TMEM131: variants seen among roughly 807,000 people sequenced by gnomAD.
TMEM131 encodes the protein 2610524E03Rik.
TMEM131 carries 66 observed loss-of-function variants against 211.6 expected under a neutral mutation model. The observed-to-expected ratio is 0.31, with a 90% CI of 0.26 to 0.38. The LOEUF (loss-of-function observed/expected upper bound fraction) is 0.38. Ranked by LOEUF, TMEM131 falls within the 10% of genes least tolerant of loss-of-function variation. The pLI, the probability that TMEM131 is intolerant of heterozygous loss-of-function variation, is 1.00. For synonymous variants in TMEM131, 844 were observed against 841.3 expected, an observed-to-expected ratio of 1.00 and a Z score of -0.06; for missense variants, 2,036 against 2,299.3, an observed-to-expected ratio of 0.89 and a Z score of 2.34.
chr2:97,790,481 G>A (rs1680452255), intron 31 of TMEM131, among the ~76,000 whole-genome samples: 1 of 152,150 alleles, frequency 6.6e-6, no homozygotes, highest in Admixed American at 6.5e-5. Flanking sequence ...GTATCTCTTA[G>A]TAGGTTGACT....
intron 33 of TMEM131, among the ~76,000 whole-genome samples, chr2:97,769,400 C>T (rs1387073406): frequency 6.6e-6 from 1 of 152,132 alleles, no homozygotes; most frequent in East Asian, 1.9e-4. Context: ...ACACCTGACT[C>T]AAGCCTGGCC....
At chr2:97,802,363 T>G in intron 24 of TMEM131, 65 bp downstream of exon 24, 1 of 1,221,146 alleles carries the variant, frequency 8.2e-7, no homozygotes, top group Non-Finnish European at 1.2e-6. Flanking sequence ...TAAGGCTTTT[T>G]AAGTGAATAA....
At chr2:97,967,099 T>C (rs900696713) in intron 1 of TMEM131, among the ~76,000 whole-genome samples, 1 of 152,108 alleles carries the variant, frequency 6.6e-6, no homozygotes, top group Non-Finnish European at 1.5e-5. Context: ...TTATGGAGTA[T>C]TGTTTTGACT....
intron 7 of TMEM131, among the ~76,000 whole-genome samples, chr2:97,838,094 A>G (rs1232454239): frequency 6.6e-6 from 1 of 152,180 alleles, no homozygotes; most frequent in East Asian, 1.9e-4. Context: ...CAGTTTTTCA[A>G]TCCACACATT....
At chr2:97,873,996 T>G (rs1674591328) in intron 4 of TMEM131, among the ~76,000 whole-genome samples, 1 of 152,182 alleles carries the variant, frequency 6.6e-6, no homozygotes, top group African/African-American at 2.4e-5. Context: ...GACAAATTGT[T>G]AACTAGAATA....
chr2:97,827,586 T>C (rs1350923515), intron 11 of TMEM131: 2 of 910,502 alleles, frequency 2.2e-6, no homozygotes, highest in African/African-American at 3.3e-5. Context: ...GGTCCCTGTC[T>C]CCCTTCTTGT....
chr2:97,874,576 C>A (rs928773481), intron 4 of TMEM131, among the ~76,000 whole-genome samples: 5 of 152,270 alleles, frequency 3.3e-5, no homozygotes, highest in Admixed American at 6.5e-5. Flanking sequence ...TATTCAACAT[C>A]CTTAAAGAAA....
intron 11 of TMEM131, chr2:97,827,186 G>A (rs1204636240): frequency 7.7e-6 from 5 of 652,472 alleles, no homozygotes; most frequent in East Asian, 5.6e-5. Context: ...GCCCAGTTTC[G>A]TGAAGGCTCT....
intron 25 of TMEM131, 27 bp downstream of exon 25, chr2:97,801,868 G>C (rs752553411): frequency 4.8e-6 from 7 of 1,473,148 alleles, no homozygotes; most frequent in Non-Finnish European, 6.5e-6. Flanking sequence ...TAATTTCTTT[G>C]GAATAGTATG....
chr2:97,874,532 G>A (rs1674614409), intron 4 of TMEM131, among the ~76,000 whole-genome samples: 3 of 152,218 alleles, frequency 2.0e-5, no homozygotes, highest in Admixed American at 1.3e-4. Flanking sequence ...TCTCTCTGCA[G>A]AAACTCTACT....
intron 1 of TMEM131, among the ~76,000 whole-genome samples, chr2:97,957,040 T>C (rs978448046): frequency 1.4e-5 from 2 of 147,746 alleles, no homozygotes; most frequent in African/African-American, 5.1e-5. Context: ...GAGGTTGCAG[T>C]AAGCCGAGAT....
chr2:97,794,796 G>T (rs995369856), intron 29 of TMEM131, 134 bp downstream of exon 29: 5 of 654,908 alleles, frequency 7.6e-6, no homozygotes, highest in Non-Finnish European at 9.7e-6. Context: ...CAGTCTGTGA[G>T]ATTGATAAAG....
chr2:97,830,417 C>A (rs1682621338), intron 11 of TMEM131, among the ~76,000 whole-genome samples: 1 of 152,156 alleles, frequency 6.6e-6, no homozygotes, highest in Non-Finnish European at 1.5e-5. Context: ...AAATATAGTT[C>A]TAGGCTTTTC....
intron 3 of TMEM131, among the ~76,000 whole-genome samples, chr2:97,897,330 A>G (rs1010904246): frequency 3.9e-5 from 6 of 152,116 alleles, no homozygotes; most frequent in Non-Finnish European, 8.8e-5. Context: ...AAGTGATGAA[A>G]GTGGACATCC....
intron 1 of TMEM131, among the ~76,000 whole-genome samples, chr2:97,953,908 A>C (rs538991084): frequency 4.6e-5 from 7 of 152,330 alleles, no homozygotes; most frequent in African/African-American, 1.7e-4. Context: ...ATCTTCAAAC[A>C]CTTCTGTATA....
In TMEM131 at chr2:97,995,789, G is replaced by A. The variant is rs918242739; in HGVS notation, c.-127C>T. The A allele has an allele frequency of 4.6e-5, 28 of 614,326 alleles. No individual in the cohort carries two copies. Among genetic ancestry groups the A allele is most frequent in the Non-Finnish European group, 5.7e-5 (26 of 457,386 alleles). 38.1% of individuals were successfully genotyped at this position (614,326 alleles called of 1,614,324 possible). ...GGGAGCGACAACGGTTGCGAGCCCG[G>A]GGCTCGATCTCCGAGCGTGGGCCTG... On this transcript the variant is annotated 5_prime_UTR_variant, in exon 1 of 41. Coordinates refer to ENST00000186436, the MANE Select transcript of TMEM131 (RefSeq NM_015348.2).
At chr2:97,768,561 T>C (rs1227285220) in intron 33 of TMEM131, among the ~76,000 whole-genome samples, 1 of 152,222 alleles carries the variant, frequency 6.6e-6, no homozygotes, top group Non-Finnish European at 1.5e-5. Context: ...TTAAGGCTTC[T>C]GAATAAAATG....
chr2:97,857,098 C>T (rs1053405830), intron 5 of TMEM131, among the ~76,000 whole-genome samples: 3 of 152,210 alleles, frequency 2.0e-5, no homozygotes, highest in East Asian at 1.9e-4. Context: ...AGTTCAGAAA[C>T]GTCAAGTTAG....
At chr2:97,856,388 C>T (rs914520303) in intron 5 of TMEM131, among the ~76,000 whole-genome samples, 2 of 152,232 alleles carry the variant, frequency 1.3e-5, no homozygotes, top group Middle Eastern at 3.4e-3. Flanking sequence ...TATTTCTATT[C>T]TTTTTGATTT....
Sources: allele counts gnomAD v4.1 joint callset (sites outside exome capture counted in the v4.1 genomes callset), GRCh38; gene constraint gnomAD v4.1.1; transcripts MANE v1.5; gene names NCBI Gene and HGNC (gene_info 2026-07-23, HGNC 2026-07-21).